Variants in C12orf54 observed in about 807,000 individuals in gnomAD.
C12orf54 encodes the protein uncharacterized protein C12orf54.
C12orf54 carries 24 observed loss-of-function variants against 26.4 expected under a neutral mutation model. The ratio of observed to expected loss-of-function variants is 0.91; its 90% confidence interval spans 0.66 to 1.28. C12orf54 has a LOEUF of 1.28. Among genes scored for constraint, C12orf54 ranks in the 50% most tolerant of loss-of-function variants. The pLI, the probability that C12orf54 is intolerant of heterozygous loss-of-function variation, is 0.00. For synonymous variants in C12orf54, 54 were observed against 47.0 expected, an observed-to-expected ratio of 1.15 and a Z score of -0.61; for missense variants, 154 against 150.9, an observed-to-expected ratio of 1.02 and a Z score of -0.11.
chr12:48,489,262 A>C (rs1435480009), intron 5 of C12orf54: 1 of 552,396 alleles, frequency 1.8e-6, no homozygotes, highest in East Asian at 4.0e-5. Context: ...GCTGGGGAGA[A>C]TCCCCTAGTG....
intron 5 of C12orf54, among the ~76,000 whole-genome samples, chr12:48,489,566 C>T (rs1229159914): frequency 6.6e-6 from 1 of 152,028 alleles, no homozygotes; most frequent in Non-Finnish European, 1.5e-5. Context: ...GCTGGGACTA[C>T]CACACCCAGC....
chr12:48,470,999 A>G, the C12orf54 span, among the ~76,000 whole-genome samples: 1 of 152,126 alleles, frequency 6.6e-6, no homozygotes, highest in South Asian at 2.1e-4. Flanking sequence ...TTATTTTTAA[A>G]TGTACAATTA....
the C12orf54 span, among the ~76,000 whole-genome samples, chr12:48,470,136 A>T: frequency 1.4e-4 from 21 of 152,232 alleles, no homozygotes; most frequent in Non-Finnish European, 2.1e-4. Flanking sequence ...TACTACTCTG[A>T]ATAGTGCAGC....
At chr12:48,430,988 G>A in the C12orf54 span, among the ~76,000 whole-genome samples, 2 of 152,298 alleles carry the variant, frequency 1.3e-5, no homozygotes, top group Admixed American at 6.5e-5. Flanking sequence ...TCAATTAATG[G>A]CATTCACAGC....
chr12:48,486,698 T>C lies in C12orf54; in HGVS notation c.107T>C (p.Val36Ala). The C allele has an allele frequency of 1.9e-6, 3 of 1,613,150 alleles. No homozygotes were observed. The highest frequency in any genetic ancestry group is 2.5e-6 in the Non-Finnish European group (3 of 1,179,116). ...TCCTTATTTCTACAGGAAAAACAGG[T>C]AACCATCACTGAAACCCTGTGGGAC... ...EETMRPQEKQVTITETLWDQV... is the reference protein window; with the variant it reads ...EETMRPQEKQATITETLWDQV... The change falls in exon 4 of 9, where the codon GTA (valine) becomes GCA (alanine). Residue 36 changes from valine to alanine, a missense_variant. Transcript: ENST00000548364.
chr12:48,489,087 C>G (rs1286763859), intron 5 of C12orf54, 131 bp downstream of exon 5: 1 of 935,930 alleles, frequency 1.1e-6, no homozygotes, highest in African/African-American at 1.6e-5. Context: ...AGTGATTTCT[C>G]CCTTAAAGAG....
chr12:48,486,528 G>C, intron 3 of C12orf54, 160 bp from the exon 4 acceptor site: 1 of 711,486 alleles, frequency 1.4e-6, no homozygotes, highest in Non-Finnish European at 2.4e-6. Flanking sequence ...TGATTCACCA[G>C]GGCTGCAGGA....
chr12:48,475,620 GC>G, the C12orf54 span, among the ~76,000 whole-genome samples: 1 of 152,154 alleles, frequency 6.6e-6, no homozygotes, highest in Non-Finnish European at 1.5e-5. Flanking sequence ...ACTAGCTGAT[GC>G]GATCAACTGG....
chr12:48,441,038 C>G, the C12orf54 span, among the ~76,000 whole-genome samples: 1 of 152,168 alleles, frequency 6.6e-6, no homozygotes, highest in African/African-American at 2.4e-5. Context: ...CACGATTTAT[C>G]TCCCTGAGCC....
chr12:48,449,851 G>T, the C12orf54 span, among the ~76,000 whole-genome samples: 1 of 152,170 alleles, frequency 6.6e-6, no homozygotes, highest in Non-Finnish European at 1.5e-5. Context: ...AACTTGAATT[G>T]TATCTCCTGG....
chr12:48,466,397 G>A, the C12orf54 span, among the ~76,000 whole-genome samples: 1 of 151,932 alleles, frequency 6.6e-6, no homozygotes, highest in Non-Finnish European at 1.5e-5. Flanking sequence ...ACAAAAATTA[G>A]CCCTGGGCAT....
chr12:48,437,673 G>A, the C12orf54 span, among the ~76,000 whole-genome samples: 8 of 152,150 alleles, frequency 5.3e-5, no homozygotes, highest in African/African-American at 1.9e-4. Context: ...CTCAATCGAT[G>A]CAGAAAAGGC....
chr12:48,439,731 A>G, the C12orf54 span, among the ~76,000 whole-genome samples: 1 of 152,038 alleles, frequency 6.6e-6, no homozygotes, highest in Non-Finnish European at 1.5e-5. Context: ...GGAACATCAC[A>G]CACCGGGGCC....
the C12orf54 span, among the ~76,000 whole-genome samples, chr12:48,421,347 T>TG: frequency 2.0e-5 from 1 of 49,622 alleles, no homozygotes; most frequent in Non-Finnish European, 5.3e-5. Context: ...TTTTCAACAA[T>TG]AAAGTAGCAA....
intron 7 of C12orf54, among the ~76,000 whole-genome samples, chr12:48,493,699 T>C (rs1323967156): frequency 6.7e-6 from 1 of 149,958 alleles, no homozygotes; most frequent in Non-Finnish European, 1.5e-5. Context: ...AAGTTAATTT[T>C]CAAAAAGAAA....
the C12orf54 span, among the ~76,000 whole-genome samples, chr12:48,417,971 A>G: frequency 6.6e-6 from 1 of 152,212 alleles, no homozygotes; most frequent in Admixed American, 6.5e-5. Flanking sequence ...CGTTTTCTGT[A>G]TCCAATCCAG....
chr12:48,439,862 C>T, the C12orf54 span, among the ~76,000 whole-genome samples: 48,060 of 151,416 alleles, frequency 0.32, 8,194 homozygotes, highest in African/African-American at 0.38. Context: ...TGAACCTGCA[C>T]GATGTGCACA....
At chr12:48,486,624 G>A (rs1442807824) in intron 3 of C12orf54, 64 bp from the exon 4 acceptor site, 3 of 1,495,796 alleles carry the variant, frequency 2.0e-6, no homozygotes, top group African/African-American at 2.8e-5. Flanking sequence ...GTTTCATAAT[G>A]TGTCACTTCA....
upstream of C12orf54, among the ~76,000 whole-genome samples, chr12:48,479,372 G>A (rs1954175736): frequency 6.6e-6 from 1 of 152,048 alleles, no homozygotes; most frequent in Non-Finnish European, 1.5e-5. Flanking sequence ...TGTGGTGGCG[G>A]GAGTGGGGAG....
Sources: gnomAD v4.1 joint callset for allele counts (sites outside exome capture counted in the v4.1 genomes callset) on GRCh38, gnomAD v4.1.1 for gene constraint, MANE v1.5 for transcripts, NCBI Gene and HGNC (gene_info 2026-07-23, HGNC 2026-07-21) for gene names.